The following COL14A1 variants were observed in gnomAD, a reference collection of about 807,000 sequenced individuals.
COL14A1 encodes collagen type XIV alpha 1 chain.
COL14A1 carries 136 observed loss-of-function variants against 230.3 expected under a neutral mutation model. The observed-to-expected ratio is 0.59, with a 90% confidence interval of 0.51 to 0.68. The LOEUF (loss-of-function observed/expected upper bound fraction) is 0.68. Ranked by LOEUF, COL14A1 falls within the 30% of genes least tolerant of loss-of-function variation. COL14A1 has a pLI of 0.00. For synonymous variants in COL14A1, 792 were observed against 784.1 expected, an observed-to-expected ratio of 1.01 and a Z score of -0.17; for missense variants, 1,976 against 2,215.8, an observed-to-expected ratio of 0.89 and a Z score of 2.17.
intron 14 of COL14A1, among the ~76,000 whole-genome samples, chr8:120,220,830 A>G (rs1586778661): frequency 6.6e-6 from 1 of 152,060 alleles, no homozygotes; most frequent in Non-Finnish European, 1.5e-5. Flanking sequence ...TGATGGTGAT[A>G]ATGATAATGA....
At chr8:120,312,332 C>T (rs976389195) in intron 37 of COL14A1, among the ~76,000 whole-genome samples, 3 of 152,132 alleles carry the variant, frequency 2.0e-5, no homozygotes, top group African/African-American at 7.2e-5. Context: ...ACATATGCTT[C>T]CTCTTCCTCT....
Position 120,289,632 on chromosome 8 carries a change from T to C in COL14A1, c.4102T>C (p.Leu1368=), listed in dbSNP as rs747989494. 1.9e-6 allele frequency: 3 copies of C among 1,613,912 alleles called. No homozygotes were observed. The Admixed American group carries it at 5.0e-5, about 27-fold the overall frequency. Residue 1368 remains leucine (L), a synonymous_variant, in exon 34 of 48, where the codon TTG becomes CTG. Coordinates refer to ENST00000297848, the MANE Select transcript of COL14A1 (RefSeq NM_021110.4). ...GCTACACATTGTTGTCAGTGAGACT[T>C]TGGTCAAAGTGGTTATTGACTGCAA... ...HKLHIVVSET[L]VKVVIDCKQV...
intron 32 of COL14A1, among the ~76,000 whole-genome samples, chr8:120,284,991 A>G (rs1820149945): frequency 6.6e-6 from 1 of 152,124 alleles, no homozygotes; most frequent in Non-Finnish European, 1.5e-5. Flanking sequence ...TGGAGTGAGA[A>G]TCTTTTCTCT....
intron 10 of COL14A1, 101 bp downstream of exon 10, chr8:120,207,195 A>T (rs1817464205): frequency 9.4e-7 from 1 of 1,060,240 alleles, no homozygotes; most frequent in African/African-American, 1.6e-5. Flanking sequence ...TTATTCCGTC[A>T]CAGACATTTT....
chr8:120,223,593 C>T (rs1422544776), intron 14 of COL14A1, among the ~76,000 whole-genome samples: 1 of 152,106 alleles, frequency 6.6e-6, no homozygotes, highest in African/African-American at 2.4e-5. Context: ...TAGCTTGAAA[C>T]CTGGAGGCGG....
chr8:120,259,349 T>C (rs1586811415), intron 23 of COL14A1, among the ~76,000 whole-genome samples: 1 of 152,144 alleles, frequency 6.6e-6, no homozygotes, highest in Non-Finnish European at 1.5e-5. Flanking sequence ...GGAGAATGGA[T>C]TTAGTGTTGC....
At chr8:120,268,946 C>T (rs1819577757) in intron 25 of COL14A1, among the ~76,000 whole-genome samples, 1 of 151,684 alleles carries the variant, frequency 6.6e-6, no homozygotes, top group African/African-American at 2.4e-5. Context: ...TAAGTTCAAA[C>T]CACAAATTTG....
chr8:120,324,486 G>C (rs1334061967), intron 40 of COL14A1, among the ~76,000 whole-genome samples: 1 of 152,084 alleles, frequency 6.6e-6, no homozygotes, highest in Admixed American at 6.6e-5. Context: ...TTAATCTTTT[G>C]CTGCAAGAAG....
intron 19 of COL14A1, 103 bp from the exon 20 acceptor site, chr8:120,243,776 C>T: frequency 7.4e-7 from 1 of 1,354,608 alleles, no homozygotes; most frequent in Non-Finnish European, 1.0e-6. Context: ...CAAAGCACAT[C>T]TCTTTTCTTT....
chr8:120,187,107 G>T (rs1352577085), intron 5 of COL14A1, among the ~76,000 whole-genome samples: 1 of 152,118 alleles, frequency 6.6e-6, no homozygotes, highest in Non-Finnish European at 1.5e-5. Context: ...TGTCAGCTCC[G>T]TCCTTTCTAT....
chr8:120,318,441 A>G (rs1430332956), intron 40 of COL14A1, among the ~76,000 whole-genome samples: 1 of 152,150 alleles, frequency 6.6e-6, no homozygotes, highest in Non-Finnish European at 1.5e-5. Context: ...AAAAACGGCT[A>G]TTTAGGTGGC....
intron 1 of COL14A1, among the ~76,000 whole-genome samples, chr8:120,133,104 T>C (rs1814590473): frequency 6.6e-6 from 1 of 151,502 alleles, no homozygotes. Flanking sequence ...TAGTCCCAGC[T>C]ACACAGGAGG....
chr8:120,310,937 A>G (rs531486199), intron 37 of COL14A1, among the ~76,000 whole-genome samples: 1 of 152,162 alleles, frequency 6.6e-6, no homozygotes, highest in South Asian at 2.1e-4. Flanking sequence ...TCTCCTCTCC[A>G]TCCATCTTGC....
At chr8:120,253,468 G>T (rs1819041755) in intron 22 of COL14A1, among the ~76,000 whole-genome samples, 1 of 152,050 alleles carries the variant, frequency 6.6e-6, no homozygotes, top group South Asian at 2.1e-4. Flanking sequence ...TTGTTGAATT[G>T]TTTTATAGTC....
intron 1 of COL14A1, among the ~76,000 whole-genome samples, chr8:120,143,277 A>G (rs1222082991): frequency 6.6e-6 from 1 of 152,218 alleles, no homozygotes; most frequent in African/African-American, 2.4e-5. Context: ...TATCTCTCAA[A>G]AGAACAGCAT....
At chr8:120,278,708 T>A in intron 28 of COL14A1, 130 bp downstream of exon 28, 1 of 921,544 alleles carries the variant, frequency 1.1e-6, no homozygotes, top group Non-Finnish European at 1.5e-6. Context: ...CTAGACAGTG[T>A]AATTTTTAAA....
Position 120,371,935 on chromosome 8 carries a change from G to A in COL14A1, c.*704G>A. 3.3e-6 allele frequency: 1 copy of A among 304,050 alleles called. No homozygotes were observed. The allele number at this position is 304,050 out of a possible 1,614,324, so 18.8% of individuals were successfully genotyped here. ...ATTTATCCAGCAGTGTGTTCCAGGG[G>A]TTGCCTCTCCTTATCTACGGGGATT... On this transcript the variant is annotated 3_prime_UTR_variant, in exon 48 of 48. Transcript: ENST00000297848.
chr8:120,370,436 A>G, intron 47 of COL14A1: 1 of 1,585,984 alleles, frequency 6.3e-7, no homozygotes, highest in Middle Eastern at 1.7e-4. Flanking sequence ...CTGTCCTGTC[A>G]ACCACCACCA....
chr8:120,297,564 C>A lies in COL14A1; in HGVS notation c.4290C>A (p.Asp1430Glu). 2 of 1,430,478 alleles carry A rather than the reference C, an allele frequency of 1.4e-6. No individual in the cohort carries two copies. The highest frequency in any genetic ancestry group is 9.2e-7 in the Non-Finnish European group (1 of 1,088,474). 88.6% of individuals were successfully genotyped at this position (1,430,478 alleles called of 1,614,324 possible). ...IVCSTSWANT[D>E]KCCELPGLRD... ...GCTCCACATCATGGGCCAATACAGA[C>A]AAATGCTGTGAACTTCCAGGCCTGG... The change falls in exon 35 of 48, where the codon GAC (aspartate) becomes GAA (glutamate). Residue 1430 changes from aspartate to glutamate, a missense_variant. Physicochemically the swap from Asp to Glu is conservative, Grantham distance 45. Coordinates refer to ENST00000297848, the MANE Select transcript of COL14A1 (RefSeq NM_021110.4).
Sources: allele counts gnomAD v4.1 joint callset (sites outside exome capture counted in the v4.1 genomes callset), GRCh38; gene constraint gnomAD v4.1.1; transcripts MANE v1.5; gene names NCBI Gene and HGNC (gene_info 2026-07-23, HGNC 2026-07-21).